OSBPL1A: variants seen among roughly 807,000 people sequenced by gnomAD.
The protein encoded by OSBPL1A is oxysterol-binding protein-related protein 1.
A neutral mutation model predicts 137.1 loss-of-function variants in OSBPL1A; 80 were observed. The observed-to-expected ratio is 0.58, with a 90% CI of 0.49 to 0.70. The LOEUF (loss-of-function observed/expected upper bound fraction) is 0.70. OSBPL1A is among the 30% of genes least tolerant of loss of function. The pLI, the probability that OSBPL1A is intolerant of heterozygous loss-of-function variation, is 0.00. For missense variants in OSBPL1A, 970 were observed against 1,129.4 expected, an observed-to-expected ratio of 0.86 and a Z score of 2.02; for synonymous variants, 365 against 389.7, an observed-to-expected ratio of 0.94 and a Z score of 0.75.
At chr18:24,228,341 C>G (rs2088158243) in intron 16 of OSBPL1A, among the ~76,000 whole-genome samples, 1 of 151,412 alleles carries the variant, frequency 6.6e-6, no homozygotes, top group African/African-American at 2.4e-5. Flanking sequence ...TCTCAAACCT[C>G]TCGCTATAAT....
At chr18:24,387,412 T>A (rs1488886692) in intron 1 of OSBPL1A, among the ~76,000 whole-genome samples, 2 of 152,008 alleles carry the variant, frequency 1.3e-5, no homozygotes, top group Non-Finnish European at 2.9e-5. Context: ...CCAGGCACAA[T>A]AGCACAACTC....
intron 16 of OSBPL1A, among the ~76,000 whole-genome samples, chr18:24,228,965 C>T (rs1237841521): frequency 6.6e-6 from 1 of 152,174 alleles, no homozygotes; most frequent in Non-Finnish European, 1.5e-5. Context: ...CTTGGGGAGG[C>T]TGAGGTGGGT....
In OSBPL1A at chr18:24,346,169, G is replaced by A. The variant is rs538507725; in HGVS notation, c.283-4511C>T. Reference sequence around the variant, plus strand: ...CAGCCGTGAATCACGCTCCCAAATCGCCCCAGCTCCACTTTCCGCTCAGCA... The same window carrying A: ...CAGCCGTGAATCACGCTCCCAAATCACCCCAGCTCCACTTTCCGCTCAGCA... On this transcript the variant is annotated intron_variant, in intron 4 of 27. Coordinates refer to ENST00000319481, the MANE Select transcript of OSBPL1A (RefSeq NM_080597.4). Among the ~76,000 whole-genome samples, 24 of 152,194 alleles carry A rather than the reference G, an allele frequency of 1.6e-4. No homozygotes were observed. The South Asian group carries it at 1.9e-3, about 12-fold the overall frequency.
chr18:24,318,223 A>G (rs2090771832), intron 9 of OSBPL1A, among the ~76,000 whole-genome samples: 1 of 152,136 alleles, frequency 6.6e-6, no homozygotes, highest in South Asian at 2.1e-4. Flanking sequence ...AGGCGGGTGG[A>G]TCACGAGGTC....
intron 17 of OSBPL1A, 124 bp from the exon 18 acceptor site, chr18:24,196,324 C>G: frequency 1.5e-6 from 1 of 678,980 alleles, no homozygotes; most frequent in South Asian, 1.8e-5. Flanking sequence ...TGTGTCATCA[C>G]AGACAGGGCT....
At chr18:24,356,515 C>T (rs1335424941) in intron 4 of OSBPL1A, among the ~76,000 whole-genome samples, 1 of 152,104 alleles carries the variant, frequency 6.6e-6, no homozygotes, top group Non-Finnish European at 1.5e-5. Flanking sequence ...TAAATGGCGC[C>T]CTGGCTGAGG....
chr18:24,269,269 C>T (rs1056159470), intron 15 of OSBPL1A, among the ~76,000 whole-genome samples: 3 of 152,188 alleles, frequency 2.0e-5, no homozygotes, highest in South Asian at 2.1e-4. Flanking sequence ...AGATAAGTTT[C>T]GAACTCTATA....
At chr18:24,209,510 C>G (rs755119166) in intron 17 of OSBPL1A, among the ~76,000 whole-genome samples, 6 of 152,116 alleles carry the variant, frequency 3.9e-5, no homozygotes, top group Non-Finnish European at 5.9e-5. Context: ...CACATCTCCC[C>G]GATGACCCAA....
intron 2 of OSBPL1A, among the ~76,000 whole-genome samples, chr18:24,372,783 GT>G (rs1337985087): frequency 6.6e-6 from 1 of 152,086 alleles, no homozygotes; most frequent in African/African-American, 2.4e-5. Flanking sequence ...CCAAGATCCA[GT>G]CAGGCACTGC....
chr18:24,251,744 G>A (rs908542703), intron 15 of OSBPL1A, among the ~76,000 whole-genome samples: 5 of 152,238 alleles, frequency 3.3e-5, no homozygotes, highest in Non-Finnish European at 4.4e-5. Flanking sequence ...AGCAGGGGCC[G>A]ATCCTGGAGA....
intron 1 of OSBPL1A, among the ~76,000 whole-genome samples, chr18:24,379,916 G>A (rs1488684707): frequency 6.6e-6 from 1 of 152,158 alleles, no homozygotes; most frequent in Admixed American, 6.5e-5. Flanking sequence ...AAGGCCTAAT[G>A]AGAGCCCAAC....
chr18:24,248,043 T>C (rs192751708), intron 15 of OSBPL1A, among the ~76,000 whole-genome samples: 76 of 152,178 alleles, frequency 5.0e-4, no homozygotes, highest in African/African-American at 1.8e-3. Flanking sequence ...AGGGAGGAGA[T>C]CTAATCCACT....
At chr18:24,210,460 CA>C (rs1007807256) in intron 17 of OSBPL1A, among the ~76,000 whole-genome samples, 13 of 149,948 alleles carry the variant, frequency 8.7e-5, no homozygotes, top group Admixed American at 6.6e-4. Context: ...AAACAAAAAA[CA>C]AAAAAAACCC....
At chr18:24,384,879 AAAAAAAAG>A (rs1354853065) in intron 1 of OSBPL1A, among the ~76,000 whole-genome samples, 1 of 151,836 alleles carries the variant, frequency 6.6e-6, no homozygotes. Context: ...TCTCGGAAAA[AAAAAAAAG>A]AAAAAAGAAA....
At chr18:24,250,715 A>G (rs1327620115) in intron 15 of OSBPL1A, among the ~76,000 whole-genome samples, 2 of 152,168 alleles carry the variant, frequency 1.3e-5, no homozygotes, top group Non-Finnish European at 2.9e-5. Flanking sequence ...CTCCTCTTTG[A>G]AAAAAGCAGA....
At chr18:24,165,696 C>T (rs2086129856) in intron 26 of OSBPL1A, among the ~76,000 whole-genome samples, 1 of 152,192 alleles carries the variant, frequency 6.6e-6, no homozygotes, top group South Asian at 2.1e-4. Context: ...CCAGCAGTCC[C>T]TCCTAAAAAG....
At chr18:24,163,360 T>A in intron 27 of OSBPL1A, 79 bp from the exon 28 acceptor site, 2 of 1,023,846 alleles carry the variant, frequency 2.0e-6, no homozygotes, top group African/African-American at 1.6e-5. Flanking sequence ...TTTGCAGTAT[T>A]ATTCTATTGC....
chr18:24,163,349 G>C (rs1464197869), intron 27 of OSBPL1A, 68 bp from the exon 28 acceptor site: 2 of 1,164,498 alleles, frequency 1.7e-6, no homozygotes, highest in Non-Finnish European at 1.3e-6. Context: ...TTCTTCACTA[G>C]TTTGCAGTAT....
intron 15 of OSBPL1A, among the ~76,000 whole-genome samples, chr18:24,258,317 C>T (rs1019972975): frequency 2.0e-5 from 3 of 152,150 alleles, no homozygotes; most frequent in Non-Finnish European, 4.4e-5. Flanking sequence ...TCATTTGCAA[C>T]AACATGGATG....
Sources: allele counts gnomAD v4.1 joint callset (sites outside exome capture counted in the v4.1 genomes callset), GRCh38; gene constraint gnomAD v4.1.1; transcripts MANE v1.5; gene names NCBI Gene and HGNC (gene_info 2026-07-23, HGNC 2026-07-21).